MAGI2: variants seen among roughly 807,000 people sequenced by gnomAD.
MAGI2 encodes membrane associated guanylate kinase, WW and PDZ domain containing 2, also known as membrane-associated guanylate kinase, WW and PDZ domain-containing protein 2.
Under a neutral mutation model 133.3 loss-of-function variants are expected in MAGI2, and 35 were observed. That is an observed-to-expected ratio of 0.26 (90% CI 0.20 to 0.35). The LOEUF (loss-of-function observed/expected upper bound fraction) is 0.35, where lower values mean the gene tolerates loss of function less well. Ranked by LOEUF, MAGI2 falls within the 10% of genes least tolerant of loss-of-function variation. MAGI2 has a pLI of 1.00. For missense variants in MAGI2, 1,636 were observed against 1,863.4 expected, an observed-to-expected ratio of 0.88 and a Z score of 2.25; for synonymous variants, 729 against 710.6, an observed-to-expected ratio of 1.03 and a Z score of -0.41.
intron 2 of MAGI2, among the ~76,000 whole-genome samples, chr7:78,792,658 C>T (rs1787273307): frequency 1.3e-5 from 2 of 152,174 alleles, no homozygotes; most frequent in Admixed American, 1.3e-4. Context: ...ATTTCTCACA[C>T]ACATTATTTA....
At chr7:79,329,468 C>T (rs957281913) in intron 1 of MAGI2, among the ~76,000 whole-genome samples, 28 of 152,246 alleles carry the variant, frequency 1.8e-4, no homozygotes, top group African/African-American at 6.3e-4. Context: ...TTAAACATTG[C>T]CAAGGCAAAG....
At chr7:78,803,345 T>C (rs1269640977) in intron 2 of MAGI2, among the ~76,000 whole-genome samples, 1 of 152,216 alleles carries the variant, frequency 6.6e-6, no homozygotes, top group Non-Finnish European at 1.5e-5. Context: ...TAAAAATACT[T>C]TGATGTTGTA....
At chr7:79,167,108 T>C (rs1316615712) in intron 1 of MAGI2, among the ~76,000 whole-genome samples, 2 of 152,108 alleles carry the variant, frequency 1.3e-5, no homozygotes, top group Non-Finnish European at 2.9e-5. Context: ...TGTTCCAATT[T>C]AATACCTTAC....
chr7:78,886,437 C>T (rs1796277452), intron 2 of MAGI2, among the ~76,000 whole-genome samples: 1 of 152,134 alleles, frequency 6.6e-6, no homozygotes, highest in African/African-American at 2.4e-5. Context: ...TTTCTTAGAG[C>T]CAATGTGATT....
intron 1 of MAGI2, among the ~76,000 whole-genome samples, chr7:79,405,917 A>G (rs1454891073): frequency 2.0e-5 from 2 of 99,108 alleles, no homozygotes; most frequent in Non-Finnish European, 3.8e-5. Context: ...TTGTAACCAC[A>G]ACACAAAAAA....
intron 1 of MAGI2, among the ~76,000 whole-genome samples, chr7:79,173,466 C>T (rs181451842): frequency 2.0e-4 from 30 of 152,150 alleles, no homozygotes; most frequent in African/African-American, 7.2e-4. Flanking sequence ...GCTGAGACTG[C>T]AGGCACACGA....
intron 1 of MAGI2, among the ~76,000 whole-genome samples, chr7:79,431,867 G>A (rs1847801088): frequency 6.6e-6 from 1 of 152,118 alleles, no homozygotes; most frequent in Admixed American, 6.5e-5. Flanking sequence ...AGTGGTTAAG[G>A]GTGTAGACTT....
chr7:78,167,438 G>T (rs1024831276), intron 15 of MAGI2, among the ~76,000 whole-genome samples: 1 of 152,114 alleles, frequency 6.6e-6, no homozygotes, highest in Non-Finnish European at 1.5e-5. Flanking sequence ...TTCTTGGAGC[G>T]AGGTACAGCT....
rs1040039657 is a variant in MAGI2 at position 78,448,474 on chromosome 7, A to G, written c.1045+41287T>C. On this transcript the variant is annotated intron_variant, in intron 6 of 21. Coordinates refer to ENST00000354212, the MANE Select transcript of MAGI2 (RefSeq NM_012301.4). ...CAGAAAAACTGATTTATTCACAGGCATCTGGAAATGAATTACTCTGAGCAA... is the reference window on the plus strand; with the variant it reads ...CAGAAAAACTGATTTATTCACAGGCGTCTGGAAATGAATTACTCTGAGCAA... Among the ~76,000 whole-genome samples the G allele has an allele frequency of 4.6e-5, 7 of 152,206 alleles. No homozygotes were observed. In the East Asian group the frequency reaches 9.7e-4, roughly 21 times the overall value.
chr7:78,840,070 A>G (rs1231857733), intron 2 of MAGI2, among the ~76,000 whole-genome samples: 1 of 151,984 alleles, frequency 6.6e-6, no homozygotes, highest in Non-Finnish European at 1.5e-5. Context: ...TCAAGTAGTA[A>G]TTTTGTTTAG....
Position 78,613,216 on chromosome 7 carries a change from T to A in MAGI2, c.538+13904A>T, listed in dbSNP as rs139879315. 9.9e-3 allele frequency among the ~76,000 whole-genome samples: 1,511 copies of A among 152,246 alleles called. 28 individuals carry two copies. The highest frequency in any genetic ancestry group is 0.034 in the African/African-American group (1,432 of 41,522). On this transcript the variant is annotated intron_variant, in intron 3 of 21. Coordinates refer to ENST00000354212, the MANE Select transcript of MAGI2 (RefSeq NM_012301.4). The stretch of plus-strand genomic sequence containing the variant: ...ACATATAACATGCCAAACTACACAA[T>A]CTTCATTTGAACAAAATGCCCATGA...
chr7:78,924,524 C>T (rs1247698687), intron 2 of MAGI2, among the ~76,000 whole-genome samples: 1 of 152,086 alleles, frequency 6.6e-6, no homozygotes, highest in African/African-American at 2.4e-5. Flanking sequence ...TTGAACCAGC[C>T]TTGCATCCCA....
intron 9 of MAGI2, among the ~76,000 whole-genome samples, chr7:78,285,048 A>G (rs1796006769): frequency 6.6e-6 from 1 of 152,192 alleles, no homozygotes; most frequent in African/African-American, 2.4e-5. Context: ...ATGGTTTAAC[A>G]GCCGGTGAGT....
chr7:79,197,321 C>T (rs544297077), intron 1 of MAGI2, among the ~76,000 whole-genome samples: 1 of 152,060 alleles, frequency 6.6e-6, no homozygotes, highest in African/African-American at 2.4e-5. Flanking sequence ...AAATAAAAAA[C>T]CCGTGAAATG....
intron 9 of MAGI2, among the ~76,000 whole-genome samples, chr7:78,282,201 CTT>C (rs764370223): frequency 2.1e-4 from 32 of 152,088 alleles, no homozygotes; most frequent in Non-Finnish European, 4.3e-4. Flanking sequence ...GTCCTGGAGA[CTT>C]AAACTCATTT....
chr7:78,920,626 T>C (rs562358275), intron 2 of MAGI2, among the ~76,000 whole-genome samples: 1 of 152,286 alleles, frequency 6.6e-6, no homozygotes, highest in East Asian at 1.9e-4. Flanking sequence ...TCTGGTTTAG[T>C]TCTACATTCA....
chr7:79,274,745 A>T (rs2129557478), intron 1 of MAGI2, among the ~76,000 whole-genome samples: 1 of 152,272 alleles, frequency 6.6e-6, no homozygotes, highest in South Asian at 2.1e-4. Context: ...ACACGATGCC[A>T]GGCAAGTCTA....
intron 1 of MAGI2, among the ~76,000 whole-genome samples, chr7:79,348,191 G>T (rs1173163829): frequency 6.6e-6 from 1 of 151,698 alleles, no homozygotes; most frequent in Non-Finnish European, 1.5e-5. Flanking sequence ...TGTTTTATTT[G>T]CCCCAAAGCA....
chr7:78,298,652 G>A (rs1797535411), intron 9 of MAGI2, among the ~76,000 whole-genome samples: 1 of 151,650 alleles, frequency 6.6e-6, no homozygotes, highest in African/African-American at 2.4e-5. Context: ...TACAGGAACT[G>A]CCACCACCCT....
Sources: gnomAD v4.1 joint callset for allele counts (sites outside exome capture counted in the v4.1 genomes callset) on GRCh38, gnomAD v4.1.1 for gene constraint, MANE v1.5 for transcripts, NCBI Gene and HGNC (gene_info 2026-07-23, HGNC 2026-07-21) for gene names.